Variants in EGF observed in about 807,000 individuals in gnomAD.
The protein encoded by EGF is pro-epidermal growth factor.
EGF carries 95 observed loss-of-function variants against 143.8 expected under a neutral mutation model. That is an observed-to-expected ratio of 0.66 (90% CI 0.56 to 0.78). The LOEUF (loss-of-function observed/expected upper bound fraction) is 0.78. Among genes scored for constraint, EGF ranks in the 30% least tolerant of loss-of-function variants. The probability of loss-of-function intolerance (pLI) is 0.00; values close to 1 mark genes in which losing one functional copy is unlikely to be tolerated. For synonymous variants in EGF, 510 were observed against 510.5 expected (o/e 1.00, Z 0.01); for missense variants, 1,320 against 1,470.9 (o/e 0.90, Z 1.68).
chr4:110,008,092 C>A, intron 22 of EGF, 60 bp from the exon 23 acceptor site: 2 of 1,456,008 alleles, frequency 1.4e-6, no homozygotes, highest in Admixed American at 3.4e-5. Flanking sequence ...ATTCAATGTA[C>A]GTTGAGATAA....
chr4:109,926,427 T>A (rs1738673350), intron 1 of EGF, among the ~76,000 whole-genome samples: 1 of 149,810 alleles, frequency 6.7e-6, no homozygotes, highest in Admixed American at 6.7e-5. Context: ...CGATCTCGTC[T>A]CACTGCAAGC....
At chr4:109,923,419 A>C (rs1738125604) in intron 1 of EGF, among the ~76,000 whole-genome samples, 2 of 151,636 alleles carry the variant, frequency 1.3e-5, no homozygotes, top group Non-Finnish European at 2.9e-5. Context: ...GCTGGTTAAA[A>C]AAGAGAGAAG....
intron 18 of EGF, among the ~76,000 whole-genome samples, chr4:109,990,863 C>T (rs190562422): frequency 3.3e-5 from 5 of 152,246 alleles, no homozygotes; most frequent in East Asian, 1.9e-4. Context: ...TTAAGGACAC[C>T]GATGCTATTG....
At chr4:109,994,066 A>C (rs752754009) in intron 19 of EGF, among the ~76,000 whole-genome samples, 5 of 151,666 alleles carry the variant, frequency 3.3e-5, no homozygotes, top group Admixed American at 6.6e-5. Flanking sequence ...TTTCTCAAAT[A>C]ATTTGCTCTT....
At position 109,976,241 on chromosome 4, in the gene EGF, G is replaced by T. The variant is rs1220578795; in HGVS notation, c.2053+6G>T. ...ACTTACCCAGAATGATGTAGGTGAGGCTTTGGGATGGGCGATTTTTTCATC... is the reference window on the plus strand; with the variant it reads ...ACTTACCCAGAATGATGTAGGTGAGTCTTTGGGATGGGCGATTTTTTCATC... On this transcript the variant is annotated splice_donor_region_variant and intron_variant, in intron 13 of 23. Transcript: ENST00000265171. 1 of 1,612,840 alleles carries T rather than the reference G, an allele frequency of 6.2e-7. No homozygotes were observed. Among genetic ancestry groups the T allele is most frequent in the Non-Finnish European group, 8.5e-7 (1 of 1,179,386 alleles).
At chr4:109,935,907 G>A (rs1363729652) in intron 1 of EGF, among the ~76,000 whole-genome samples, 1 of 152,154 alleles carries the variant, frequency 6.6e-6, no homozygotes, top group South Asian at 2.1e-4. Context: ...ACTCGGTCGT[G>A]GTGGATAAGC....
intron 18 of EGF, among the ~76,000 whole-genome samples, chr4:109,992,053 G>A (rs1207988085): frequency 6.6e-6 from 1 of 151,712 alleles, no homozygotes; most frequent in African/African-American, 2.4e-5. Flanking sequence ...GCAAGCCTGT[G>A]GTCCAAGCTA....
Position 109,939,244 on chromosome 4 carries a change from A to G in EGF, c.128-1702A>G, listed in dbSNP as rs749205218. Among the ~76,000 whole-genome samples the G allele has an allele frequency of 4.6e-5, 7 of 152,284 alleles. No homozygotes were observed. In the South Asian group the frequency reaches 1.2e-3, roughly 27 times the overall value. On this transcript the variant is annotated intron_variant, in intron 1 of 23. Coordinates refer to ENST00000265171, the MANE Select transcript of EGF (RefSeq NM_001963.6). ...AGCACTACCTACTCAAGCCTCAGCAATGGTGGCATCCCTCCCTCCACCAAG... is the reference window on the plus strand; with the variant it reads ...AGCACTACCTACTCAAGCCTCAGCAGTGGTGGCATCCCTCCCTCCACCAAG...
chr4:109,961,733 T>G, intron 7 of EGF, 130 bp from the exon 8 acceptor site: 5 of 1,208,202 alleles, frequency 4.1e-6, no homozygotes, highest in Non-Finnish European at 6.0e-6. Context: ...GCACAGTGGC[T>G]CACACCTGTA....
intron 5 of EGF, among the ~76,000 whole-genome samples, chr4:109,951,669 G>A (rs1340464222): frequency 6.6e-6 from 1 of 152,138 alleles, no homozygotes; most frequent in Non-Finnish European, 1.5e-5. Context: ...GATAATTAGT[G>A]TAATATTATA....
At chr4:109,993,988 G>A (rs1408210480) in intron 19 of EGF, among the ~76,000 whole-genome samples, 1 of 151,006 alleles carries the variant, frequency 6.6e-6, no homozygotes, top group African/African-American at 2.4e-5. Context: ...CCTATAAGCA[G>A]AAAACATCCT....
Position 109,983,481 on chromosome 4 carries a change from G to A in EGF, c.2431G>A (p.Val811Met). ...ATTGGACATCTTGTCCAAGACTAGA[G>A]TGTCAGAAGATAACATTACAGAATC... ...TPLDILSKTR[V>M]SEDNITESQH... The change falls in exon 16 of 24, where the codon GTG becomes ATG. Residue 811 changes from valine to methionine, a missense_variant. Physicochemically the swap from Val to Met is conservative, Grantham distance 21. Around this residue, in one of 5 missense-constraint regions of EGF, gnomAD observed 1,186 missense variants for 1,313.7 expected, o/e 0.90. Transcript: ENST00000265171. The A allele has an allele frequency of 6.2e-7, 1 of 1,613,826 alleles. No homozygotes were observed.
At chr4:109,948,182 C>A (rs1743178913) in intron 5 of EGF, among the ~76,000 whole-genome samples, 1 of 152,228 alleles carries the variant, frequency 6.6e-6, no homozygotes, top group Non-Finnish European at 1.5e-5. Context: ...GCTGCAGAGC[C>A]ACAGACAAAT....
In EGF at chr4:110,011,329, T is replaced by C. The variant is rs758615578; in HGVS notation, c.3498T>C (p.His1166=). Residue 1166 remains histidine, a synonymous_variant, in exon 24 of 24, where the codon CAT becomes CAC. Coordinates refer to ENST00000265171, the MANE Select transcript of EGF (RefSeq NM_001963.6). ...SCPQVMERSF[H]MPSYGTQTLE... ...CCCAGGTAATGGAGCGAAGCTTTCA[T>C]ATGCCCTCCTATGGGACACAGACCC... 1 of 1,614,146 alleles carries C rather than the reference T, an allele frequency of 6.2e-7. No homozygotes were observed. Among genetic ancestry groups the C allele is most frequent in the South Asian group, 1.1e-5 (1 of 91,086 alleles).
intron 1 of EGF, among the ~76,000 whole-genome samples, chr4:109,918,106 T>A (rs1262438962): frequency 6.6e-6 from 1 of 152,252 alleles, no homozygotes; most frequent in African/African-American, 2.4e-5. Context: ...ATATTTTCTT[T>A]CTACACAATA....
chr4:109,927,717 C>T (rs1346671298), intron 1 of EGF, among the ~76,000 whole-genome samples: 5 of 139,722 alleles, frequency 3.6e-5, no homozygotes, highest in African/African-American at 1.3e-4. Flanking sequence ...GAGAGAGACA[C>T]CGTCTCAAAA....
chr4:109,942,184 T>C (rs980758601), intron 2 of EGF, among the ~76,000 whole-genome samples: 7 of 152,172 alleles, frequency 4.6e-5, no homozygotes, highest in African/African-American at 1.7e-4. Flanking sequence ...ATCAAGAACA[T>C]GGAAAAACTT....
intron 20 of EGF, among the ~76,000 whole-genome samples, chr4:109,995,374 C>G (rs751724047): frequency 1.3e-5 from 2 of 152,178 alleles, no homozygotes; most frequent in African/African-American, 4.8e-5. Flanking sequence ...TTCTTCACTT[C>G]CTAACAGTTG....
At chr4:110,004,211 TACATACACACACACACACACACAC>T (rs1752941197) in intron 21 of EGF, 2 of 385,574 alleles carry the variant, frequency 5.2e-6, no homozygotes, top group African/African-American at 5.0e-5. Context: ...TACATGGGCA[TACATACACACACACACACACACAC>T]ACACACACAC....
Sources: gnomAD v4.1 joint callset for allele counts (sites outside exome capture counted in the v4.1 genomes callset) on GRCh38, gnomAD v4.1.1 for gene constraint, gnomAD v4.1.1 regional missense constraint, MANE v1.5 for transcripts, NCBI Gene and HGNC (gene_info 2026-07-23, HGNC 2026-07-21) for gene names.